ROBO2: variants seen among roughly 807,000 people sequenced by gnomAD.
ROBO2 encodes the protein roundabout homolog 2.
In ROBO2, 53 loss-of-function variants were observed where a neutral mutation model predicts 160.8. The observed-to-expected ratio is 0.33, with a 90% CI of 0.26 to 0.41. The LOEUF is 0.41. ROBO2 is among the 10% of genes least tolerant of loss of function. The pLI, the probability that ROBO2 is intolerant of heterozygous loss-of-function variation, is 1.00. For synonymous variants in ROBO2, 664 were observed against 611.7 expected, an observed-to-expected ratio of 1.09 and a Z score of -1.26; for missense variants, 1,577 against 1,722.4, an observed-to-expected ratio of 0.92 and a Z score of 1.49.
At chr3:76,847,554 T>C (rs978127284) in intron 2 of ROBO2, among the ~76,000 whole-genome samples, 1 of 152,114 alleles carries the variant, frequency 6.6e-6, no homozygotes, top group African/African-American at 2.4e-5. Flanking sequence ...AGAAACCTAG[T>C]AGTGAACATA....
In ROBO2 at chr3:77,070,624, G is replaced by T. The variant is rs76621323; in HGVS notation, c.62-27390G>T. ...CCACTATAACTGTTATGCCAAGAGAGTTGTCAGCAAAGGGGGCAGGAGTGA... is the reference window on the plus strand; with the variant it reads ...CCACTATAACTGTTATGCCAAGAGATTTGTCAGCAAAGGGGGCAGGAGTGA... On this transcript the variant is annotated intron_variant, in intron 1 of 25. Coordinates refer to ENST00000461745, the Ensembl canonical transcript of ROBO2. 1.6e-3 allele frequency among the ~76,000 whole-genome samples: 242 copies of T among 152,290 alleles called. 2 individuals carry two copies. In the East Asian group the frequency reaches 0.019, roughly 12 times the overall value.
chr3:76,804,372 C>T (rs1205813674), intron 2 of ROBO2, among the ~76,000 whole-genome samples: 1 of 152,164 alleles, frequency 6.6e-6, no homozygotes, highest in Non-Finnish European at 1.5e-5. Context: ...CAGAATTGAA[C>T]ATGGTACAGC....
Position 77,146,450 on chromosome 3 carries a change from G to A in ROBO2, c.388+48110G>A, listed in dbSNP as rs543826227. 7.3e-4 allele frequency among the ~76,000 whole-genome samples: 111 copies of A among 152,052 alleles called. 1 individual carries two copies. The highest frequency in any genetic ancestry group is 3.4e-3 in the Middle Eastern group (1 of 294). On this transcript the variant is annotated intron_variant, in intron 2 of 25. Coordinates refer to ENST00000461745, the Ensembl canonical transcript of ROBO2. Reference sequence around the variant, plus strand: ...TTTTTCCCCTTTTAAAGTTGAATGGGGTGGGTGATTATTAAGACAAGATTA... The same window carrying A: ...TTTTTCCCCTTTTAAAGTTGAATGGAGTGGGTGATTATTAAGACAAGATTA...
chr3:76,811,884 T>TCCTTCCTTCCTTC (rs1576781044), intron 2 of ROBO2, among the ~76,000 whole-genome samples: 1 of 145,248 alleles, frequency 6.9e-6, no homozygotes, highest in African/African-American at 2.6e-5. Context: ...CTTCCTTCCT[T>TCCTTCCTTCCTTC]TTTTGAGATG....
At chr3:76,893,250 A>G (rs1031041091) in intron 2 of ROBO2, among the ~76,000 whole-genome samples, 25 of 151,948 alleles carry the variant, frequency 1.6e-4, no homozygotes, top group Admixed American at 4.6e-4. Context: ...ATTCAACAAG[A>G]TGACAGCAAG....
chr3:75,910,883 G>C (rs1946547798), intron 1 of ROBO2, among the ~76,000 whole-genome samples: 1 of 151,858 alleles, frequency 6.6e-6, no homozygotes, highest in Non-Finnish European at 1.5e-5. Context: ...ATTCGGACTT[G>C]TTGAACTATG....
intron 2 of ROBO2, among the ~76,000 whole-genome samples, chr3:76,066,423 T>C (rs1158497014): frequency 6.6e-6 from 1 of 152,146 alleles, no homozygotes; most frequent in East Asian, 1.9e-4. Context: ...TCTTTAGTTG[T>C]ACAAAATATT....
At chr3:76,937,616 C>T (rs1381696699) in intron 2 of ROBO2, among the ~76,000 whole-genome samples, 1 of 150,320 alleles carries the variant, frequency 6.7e-6, no homozygotes, top group Admixed American at 6.6e-5. Flanking sequence ...ACTATCTTTG[C>T]ATATGTGATG....
At chr3:76,957,111 T>C (rs1221839948) in intron 2 of ROBO2, among the ~76,000 whole-genome samples, 1 of 152,100 alleles carries the variant, frequency 6.6e-6, no homozygotes, top group African/African-American at 2.4e-5. Flanking sequence ...GAAGAAAGTA[T>C]TAAAATATTT....
intron 2 of ROBO2, among the ~76,000 whole-genome samples, chr3:77,410,720 C>CTCCTCCTCCTCTTCCTCCTCCTTT (rs2076714045): frequency 1.5e-5 from 2 of 131,384 alleles, no homozygotes; most frequent in African/African-American, 5.9e-5. Flanking sequence ...CCTCCTCTTC[C>CTCCTCCTCCTCTTCCTCCTCCTTT]TCCTCCTCCT....
intron 2 of ROBO2, among the ~76,000 whole-genome samples, chr3:77,384,110 A>T (rs2073851497): frequency 6.6e-6 from 1 of 152,176 alleles, no homozygotes; most frequent in Non-Finnish European, 1.5e-5. Flanking sequence ...GAGTTTTTTC[A>T]TATATACTCT....
intron 2 of ROBO2, among the ~76,000 whole-genome samples, chr3:76,825,757 T>G (rs984165836): frequency 6.6e-6 from 1 of 151,980 alleles, no homozygotes; most frequent in Admixed American, 6.6e-5. Flanking sequence ...AAACCAAAGC[T>G]GCAGATGTGG....
intron 2 of ROBO2, among the ~76,000 whole-genome samples, chr3:77,180,424 A>G (rs1198708389): frequency 1.0e-5 from 1 of 98,594 alleles, no homozygotes; most frequent in African/African-American, 3.0e-5. Flanking sequence ...CTCTATATAT[A>G]TATATATGTA....
intron 2 of ROBO2, among the ~76,000 whole-genome samples, chr3:76,687,484 T>TG (rs1372827783): frequency 1.3e-5 from 2 of 152,068 alleles, no homozygotes; most frequent in Non-Finnish European, 2.9e-5. Flanking sequence ...GACAGTCACA[T>TG]GATCAAAAAG....
intron 6 of ROBO2, among the ~76,000 whole-genome samples, chr3:77,528,961 T>C (rs761678331): frequency 4.6e-5 from 7 of 151,456 alleles, no homozygotes; most frequent in Non-Finnish European, 1.0e-4. Context: ...ACACACAAAA[T>C]TAAGAAAAGA....
At chr3:77,642,205 G>A (rs1249656136) in intron 24 of ROBO2, among the ~76,000 whole-genome samples, 1 of 152,132 alleles carries the variant, frequency 6.6e-6, no homozygotes, top group Non-Finnish European at 1.5e-5. Flanking sequence ...CATATGACAC[G>A]GCATACAGTT....
chr3:77,558,129 C>T (rs747435385), exon 9 of ROBO2: 1 of 1,612,908 alleles, frequency 6.2e-7, no homozygotes, highest in South Asian at 1.1e-5. Flanking sequence ...GCAAGGCACA[C>T]TGCAGATTAA....
intron 2 of ROBO2, among the ~76,000 whole-genome samples, chr3:76,466,038 A>C (rs1276973923): frequency 7.8e-6 from 1 of 128,334 alleles, no homozygotes; most frequent in Admixed American, 8.8e-5. Context: ...TGTATGTAAA[A>C]TTGTCTAAAA....
intron 2 of ROBO2, among the ~76,000 whole-genome samples, chr3:76,381,161 C>T (rs1432896128): frequency 6.6e-6 from 1 of 151,762 alleles, no homozygotes; most frequent in Non-Finnish European, 1.5e-5. Flanking sequence ...GTGCTCTCTT[C>T]GGGGGTGTCA....
Sources: gnomAD v4.1 joint callset for allele counts (sites outside exome capture counted in the v4.1 genomes callset) on GRCh38, gnomAD v4.1.1 for gene constraint, MANE v1.5 for transcripts, NCBI Gene and HGNC (gene_info 2026-07-23, HGNC 2026-07-21) for gene names.